Variants in TACR3 observed in about 807,000 individuals in gnomAD.
TACR3 encodes neuromedin-K receptor.
In TACR3, 34 loss-of-function variants were observed where a neutral mutation model predicts 35.0. That is an observed-to-expected ratio of 0.97 (90% CI 0.74 to 1.30). TACR3 has a LOEUF of 1.30. TACR3 is among the 50% of genes most tolerant of loss of function. The pLI, the probability that TACR3 is intolerant of heterozygous loss-of-function variation, is 0.00. For synonymous variants in TACR3, 233 were observed against 221.1 expected (o/e 1.05, Z -0.48); for missense variants, 558 against 591.7 (o/e 0.94, Z 0.59).
At chr4:103,605,765 T>G (rs901460732) in intron 3 of TACR3, among the ~76,000 whole-genome samples, 37 of 151,806 alleles carry the variant, frequency 2.4e-4, no homozygotes, top group African/African-American at 7.5e-4. Flanking sequence ...TTTCTCCCAT[T>G]TTGTAGGTTG....
At chr4:103,693,239 C>T (rs1415187687) in intron 1 of TACR3, among the ~76,000 whole-genome samples, 1 of 152,048 alleles carries the variant, frequency 6.6e-6, no homozygotes, top group Non-Finnish European at 1.5e-5. Context: ...TATTTTATAT[C>T]ACTGATTAAT....
chr4:103,634,218 T>G (rs981779309), intron 3 of TACR3, among the ~76,000 whole-genome samples: 2 of 152,114 alleles, frequency 1.3e-5, no homozygotes, highest in Non-Finnish European at 1.5e-5. Context: ...AGAGGAACAA[T>G]GATATCAATG....
intron 3 of TACR3, among the ~76,000 whole-genome samples, chr4:103,599,914 C>A (rs1445847285): frequency 6.6e-6 from 1 of 152,032 alleles, no homozygotes; most frequent in Non-Finnish European, 1.5e-5. Context: ...GTCTAAAATT[C>A]TCTTTTTTGG....
chr4:103,709,626 A>G (rs900383561), intron 1 of TACR3, among the ~76,000 whole-genome samples: 15 of 152,210 alleles, frequency 9.9e-5, no homozygotes, highest in Admixed American at 2.0e-4. Flanking sequence ...AGCTAACATC[A>G]TAATGACAGG....
chr4:103,706,607 T>A (rs1722796858), intron 1 of TACR3, among the ~76,000 whole-genome samples: 1 of 152,040 alleles, frequency 6.6e-6, no homozygotes, highest in African/African-American at 2.4e-5. Flanking sequence ...AGAAAGAAAG[T>A]ACATATAATA....
chr4:103,649,350 G>A (rs1257980532), intron 3 of TACR3, among the ~76,000 whole-genome samples: 1 of 151,988 alleles, frequency 6.6e-6, no homozygotes, highest in Non-Finnish European at 1.5e-5. Context: ...TATTACTCAA[G>A]AACTCTTTGC....
intron 1 of TACR3, among the ~76,000 whole-genome samples, chr4:103,658,728 C>G (rs1297536868): frequency 6.6e-6 from 1 of 152,084 alleles, no homozygotes; most frequent in Non-Finnish European, 1.5e-5. Flanking sequence ...CGGTGCCCAG[C>G]CTTTTGGCAC....
intron 1 of TACR3, among the ~76,000 whole-genome samples, chr4:103,696,541 T>C (rs914979135): frequency 6.6e-6 from 1 of 152,182 alleles, no homozygotes; most frequent in African/African-American, 2.4e-5. Context: ...GCATTCTCCT[T>C]TTTTCTAAAT....
intron 1 of TACR3, among the ~76,000 whole-genome samples, chr4:103,687,453 A>C (rs1055853545): frequency 6.6e-6 from 1 of 152,154 alleles, no homozygotes; most frequent in Non-Finnish European, 1.5e-5. Flanking sequence ...GAGGAAGTCA[A>C]ATTGTCCCTG....
At position 103,719,840 on chromosome 4, in the gene TACR3, T is replaced by G; in HGVS notation, c.-165A>C. Reference sequence around the variant, plus strand: ...ATCCCTGCTGGTTAGGGGATGCAGCTGGGGCTAAGGGGCAACAGCTGCACT... The same window carrying G: ...ATCCCTGCTGGTTAGGGGATGCAGCGGGGGCTAAGGGGCAACAGCTGCACT... On this transcript the variant is annotated 5_prime_UTR_variant, in exon 1 of 5. Transcript: ENST00000304883. 1.1e-6 allele frequency: 1 copy of G among 912,062 alleles called. No individual in the cohort carries two copies. The highest frequency in any genetic ancestry group is 2.7e-5 in the East Asian group (1 of 37,622). The allele number at this position is 912,062 out of a possible 1,614,324, so 56.5% of individuals were successfully genotyped here. A position where few individuals can be genotyped will look rare whatever the true frequency, so the allele number is the denominator to read the frequency against.
intron 3 of TACR3, among the ~76,000 whole-genome samples, chr4:103,601,435 T>C (rs55691624): frequency 1.3e-5 from 2 of 152,140 alleles, no homozygotes; most frequent in East Asian, 1.9e-4. Flanking sequence ...ATTATGATGT[T>C]AGCTGGTTAT....
intron 3 of TACR3, among the ~76,000 whole-genome samples, chr4:103,621,334 A>C (rs1177742434): frequency 1.3e-5 from 2 of 152,182 alleles, no homozygotes; most frequent in Non-Finnish European, 2.9e-5. Context: ...CTGATGAAGA[A>C]GCTGGGAGAT....
intron 3 of TACR3, among the ~76,000 whole-genome samples, chr4:103,651,202 G>A (rs1020858163): frequency 6.0e-5 from 9 of 150,662 alleles, no homozygotes; most frequent in African/African-American, 1.7e-4. Flanking sequence ...CCTCCTAGGT[G>A]GGTCCAGAGG....
chr4:103,700,285 T>C (rs1267240487), intron 1 of TACR3, among the ~76,000 whole-genome samples: 1 of 152,132 alleles, frequency 6.6e-6, no homozygotes, highest in Non-Finnish European at 1.5e-5. Context: ...CTAGGTGGTA[T>C]AAACAGGCTC....
intron 1 of TACR3, among the ~76,000 whole-genome samples, chr4:103,710,058 C>G (rs891670283): frequency 6.6e-6 from 1 of 152,068 alleles, no homozygotes; most frequent in Non-Finnish European, 1.5e-5. Context: ...AATAATAATG[C>G]AAGACTTTAA....
Position 103,590,003 on chromosome 4 carries a change from A to T in TACR3, c.1086-9T>A. Reference sequence around the variant, plus strand: ...TGAAGCCAGCTCGAAATCTGAGGAAAAGCAGGCCACAGAAAGAAAAAGTTA... The same window carrying T: ...TGAAGCCAGCTCGAAATCTGAGGAATAGCAGGCCACAGAAAGAAAAAGTTA... On this transcript the variant is annotated splice_polypyrimidine_tract_variant and intron_variant, in intron 4 of 4. Transcript: ENST00000304883. The T allele has an allele frequency of 1.2e-6, 2 of 1,613,098 alleles. No homozygotes were observed. The highest frequency in any genetic ancestry group is 1.7e-6 in the Non-Finnish European group (2 of 1,179,460).
At chr4:103,617,339 A>G (rs552300539) in intron 3 of TACR3, among the ~76,000 whole-genome samples, 2 of 152,304 alleles carry the variant, frequency 1.3e-5, no homozygotes, top group South Asian at 4.1e-4. Context: ...TCTTAGAATA[A>G]TATCTTAAAT....
chr4:103,719,648 A>G lies in TACR3; in HGVS notation c.28T>C (p.Trp10Arg). Residue 10 changes from tryptophan to arginine, a missense_variant, in exon 1 of 5, where the codon TGG (tryptophan) becomes CGG (arginine). By Grantham distance (101) the Trp-to-Arg change is moderately radical (BLOSUM62 -3). Coordinates refer to ENST00000304883, the MANE Select transcript of TACR3 (RefSeq NM_001059.3). ...CCCACGCCTCCACCCCCGTCTATCC[A>G]GGTTTCTGCTGCTGGGAGAGTGGCC... The part of the protein sequence containing the change: MATLPAAET[W>R]IDGGGGVGAD... The G allele has an allele frequency of 1.2e-6, 2 of 1,612,882 alleles. No homozygotes were observed. Among genetic ancestry groups the G allele is most frequent in the Non-Finnish European group, 1.7e-6 (2 of 1,180,004 alleles).
chr4:103,690,267 G>T (rs2110216312), intron 1 of TACR3, among the ~76,000 whole-genome samples: 1 of 152,246 alleles, frequency 6.6e-6, no homozygotes, highest in Middle Eastern at 3.4e-3. Context: ...ACACAAGTAT[G>T]TGGAATGTAA....
Sources: allele counts gnomAD v4.1 joint callset (sites outside exome capture counted in the v4.1 genomes callset), GRCh38; gene constraint gnomAD v4.1.1; transcripts MANE v1.5; gene names NCBI Gene and HGNC (gene_info 2026-07-23, HGNC 2026-07-21).